Variants in FAAH2 observed in about 807,000 individuals in gnomAD.
The protein encoded by FAAH2 is fatty-acid amide hydrolase 2.
Under a neutral mutation model 36.9 loss-of-function variants are expected in FAAH2, and 60 were observed. That is an observed-to-expected ratio of 1.63 (90% CI 1.32 to 2.02). The LOEUF (loss-of-function observed/expected upper bound fraction) is 2.02, where lower values mean the gene tolerates loss of function less well. Among genes scored for constraint, FAAH2 ranks in the 30% most tolerant of loss-of-function variants. The pLI is 0.00. For missense variants in FAAH2, 689 were observed against 397.5 expected, an observed-to-expected ratio of 1.73 and a Z score of -6.23; for synonymous variants, 214 against 143.8, an observed-to-expected ratio of 1.49 and a Z score of -3.49.
the FAAH2 span, among the ~76,000 whole-genome samples, chrX:57,248,794 CTTTT>C: frequency 1.4e-4 from 6 of 44,182 alleles, no homozygotes; most frequent in African/African-American, 4.9e-4. Context: ...AATAGTGTGT[CTTTT>C]TTTTTTTTTT....
At chrX:57,253,304 G>A in the FAAH2 span, among the ~76,000 whole-genome samples, 1 of 111,192 alleles carries the variant, frequency 9.0e-6, no homozygotes, top group Middle Eastern at 4.6e-3. Flanking sequence ...TGGTGTAACT[G>A]AAAGTAATGG....
the FAAH2 span, chrX:57,136,209 C>G: frequency 2.5e-6 from 3 of 1,210,411 alleles, no homozygotes; most frequent in Non-Finnish European, 3.4e-6. Flanking sequence ...CACTGCTTTG[C>G]CAATTATGGT....
intron 10 of FAAH2, among the ~76,000 whole-genome samples, chrX:57,459,754 G>A (rs907623849): frequency 2.7e-5 from 3 of 112,073 alleles, no homozygotes; most frequent in African/African-American, 9.7e-5. Context: ...CGGAAGAGGG[G>A]CCTGTCTGCT....
chrX:57,216,651 C>T, the FAAH2 span, among the ~76,000 whole-genome samples: 1 of 65,793 alleles, frequency 1.5e-5, no homozygotes, highest in Admixed American at 1.7e-4. Flanking sequence ...TATATATATA[C>T]CAAAGTTTAT....
At chrX:57,419,488 G>T (rs897855925) in intron 7 of FAAH2, among the ~76,000 whole-genome samples, 1 of 111,957 alleles carries the variant, frequency 8.9e-6, no homozygotes, top group Non-Finnish European at 1.9e-5. Flanking sequence ...GCATTTTTTC[G>T]TGTGTTTTTT....
intron 10 of FAAH2, among the ~76,000 whole-genome samples, chrX:57,451,644 G>C (rs926789757): frequency 5.4e-5 from 6 of 111,371 alleles, no homozygotes; most frequent in Non-Finnish European, 1.9e-5. Context: ...CAATAGAACA[G>C]AAAAACACAC....
intron 7 of FAAH2, among the ~76,000 whole-genome samples, chrX:57,381,990 G>A (rs1020944637): frequency 8.9e-6 from 1 of 111,740 alleles, no homozygotes; most frequent in Non-Finnish European, 1.9e-5. Context: ...AGACCATAGT[G>A]CAAACAAACT....
intron 10 of FAAH2, among the ~76,000 whole-genome samples, chrX:57,471,150 G>GA (rs1268370896): frequency 9.9e-5 from 11 of 111,624 alleles, no homozygotes; most frequent in East Asian, 2.8e-4. Flanking sequence ...TACTGAATGA[G>GA]AAAAAACTGG....
chrX:57,418,862 C>T (rs1385254879), intron 7 of FAAH2, among the ~76,000 whole-genome samples: 3 of 97,014 alleles, frequency 3.1e-5, no homozygotes, highest in Admixed American at 2.2e-4. Context: ...TAATGCTATC[C>T]TTCCCCCCTC....
chrX:57,235,727 A>C, the FAAH2 span, among the ~76,000 whole-genome samples: 1 of 112,127 alleles, frequency 8.9e-6, no homozygotes, highest in Non-Finnish European at 1.9e-5. Context: ...ATTGGCATGT[A>C]ATCGTTGTCT....
the FAAH2 span, among the ~76,000 whole-genome samples, chrX:57,178,827 G>A: frequency 8.9e-6 from 1 of 111,754 alleles, no homozygotes; most frequent in African/African-American, 3.3e-5. Context: ...TTGGGTTCCA[G>A]GCAGCCTTCA....
chrX:57,271,547 G>T, the FAAH2 span, among the ~76,000 whole-genome samples: 1 of 112,204 alleles, frequency 8.9e-6, no homozygotes, highest in Non-Finnish European at 1.9e-5. Context: ...GTACCTCTGG[G>T]TCAAAACTTC....
At chrX:57,397,624 C>T (rs910917500) in intron 7 of FAAH2, among the ~76,000 whole-genome samples, 1 of 110,642 alleles carries the variant, frequency 9.0e-6, no homozygotes. Flanking sequence ...GGTAGGTTTC[C>T]GCTGAGAAGT....
the FAAH2 span, among the ~76,000 whole-genome samples, chrX:57,262,153 C>T: frequency 9.0e-6 from 1 of 111,195 alleles, no homozygotes; most frequent in Non-Finnish European, 1.9e-5. Context: ...CATAAAAAGA[C>T]TCCTAAAGGT....
At chrX:57,389,129 C>G (rs766576480) in intron 7 of FAAH2, among the ~76,000 whole-genome samples, 4 of 105,562 alleles carry the variant, frequency 3.8e-5, no homozygotes, top group Non-Finnish European at 7.8e-5. Context: ...ACACAATATA[C>G]TTTGCTTTGT....
At chrX:57,202,129 T>C in the FAAH2 span, among the ~76,000 whole-genome samples, 1 of 112,172 alleles carries the variant, frequency 8.9e-6, no homozygotes. Context: ...TTCTCCAGGA[T>C]TGGTTCCTCG....
chrX:57,433,849 C>A (rs4319228), intron 8 of FAAH2, among the ~76,000 whole-genome samples: 2 of 110,733 alleles, frequency 1.8e-5, no homozygotes, highest in East Asian at 5.7e-4. Context: ...TCTTCAAGAA[C>A]AAAATTCCAC....
At chrX:57,291,833 T>C (rs2051994475) in intron 1 of FAAH2, among the ~76,000 whole-genome samples, 1 of 111,613 alleles carries the variant, frequency 9.0e-6, no homozygotes. Context: ...ACTTGTCTCA[T>C]TCCTGCTCAC....
chrX:57,329,625 C>CCA (rs202211095), intron 3 of FAAH2, among the ~76,000 whole-genome samples: 3,229 of 102,063 alleles, frequency 0.032, 73 homozygotes, highest in African/African-American at 0.069. Flanking sequence ...AAGACAAGGT[C>CCA]CACACACACA....
Sources: allele counts gnomAD v4.1 joint callset (sites outside exome capture counted in the v4.1 genomes callset), GRCh38; gene constraint gnomAD v4.1.1; transcripts MANE v1.5; gene names NCBI Gene and HGNC (gene_info 2026-07-23, HGNC 2026-07-21).